Variants in UCHL3 observed in about 807,000 individuals in gnomAD.
UCHL3 encodes the protein ubiquitin carboxyl-terminal hydrolase isozyme L3.
UCHL3 carries 22 observed loss-of-function variants against 35.8 expected under a neutral mutation model. The observed-to-expected ratio is 0.61, with a 90% CI of 0.44 to 0.88. UCHL3 has a LOEUF of 0.88. Ranked by LOEUF, UCHL3 falls within the 40% of genes least tolerant of loss-of-function variation. The probability of loss-of-function intolerance (pLI) is 0.00; values close to 1 mark genes in which losing one functional copy is unlikely to be tolerated. For missense variants in UCHL3, 229 were observed against 276.9 expected, an observed-to-expected ratio of 0.83 and a Z score of 1.23; for synonymous variants, 90 against 92.8, an observed-to-expected ratio of 0.97 and a Z score of 0.17.
chr13:75,596,464 A>G (rs540672120), intron 7 of UCHL3, among the ~76,000 whole-genome samples: 2 of 152,102 alleles, frequency 1.3e-5, no homozygotes, highest in Non-Finnish European at 2.9e-5. Flanking sequence ...CAGATTTTCT[A>G]CTCTGAATTG....
At position 75,605,751 on chromosome 13, in the gene UCHL3, AGT is replaced by A; in HGVS notation, c.633_634del (p.Lys211AsnfsTer7). 6.2e-7 allele frequency: 1 copy of A among 1,613,980 alleles called. No individual in the cohort carries two copies. The highest frequency in any genetic ancestry group is 8.5e-7 in the Non-Finnish European group (1 of 1,179,954). ...TAGGATGCCATAGAAGTTTGCAAGA[AGT>A]TTATGGAGCGCGACCCTGATGAACT... On this transcript the variant is annotated frameshift_variant, in exon 9 of 9. Coordinates refer to ENST00000377595, the MANE Select transcript of UCHL3 (RefSeq NM_006002.5). LOFTEE classifies it high-confidence loss of function.
In UCHL3 at chr13:75,556,775, A is replaced by G. The variant is rs144234355; in HGVS notation, c.55-3978A>G. 1.6e-3 allele frequency among the ~76,000 whole-genome samples: 239 copies of G among 151,876 alleles called. 1 individual carries two copies. The highest frequency in any genetic ancestry group is 5.5e-3 in the African/African-American group (228 of 41,584). On this transcript the variant is annotated intron_variant, in intron 2 of 8. Transcript: ENST00000377595. Reference sequence around the variant, plus strand: ...GAGTTCATTGTGGCCAAGTTAGAGAATAAAGTACCAAAAAGATACTCTGGG... The same window carrying G: ...GAGTTCATTGTGGCCAAGTTAGAGAGTAAAGTACCAAAAAGATACTCTGGG...
At chr13:75,570,870 C>A (rs1234525676) in intron 6 of UCHL3, among the ~76,000 whole-genome samples, 1 of 152,094 alleles carries the variant, frequency 6.6e-6, no homozygotes, top group Non-Finnish European at 1.5e-5. Context: ...TATGATTGCA[C>A]CATTACACTC....
Position 75,560,732 on chromosome 13 carries a change from TTTC to T in UCHL3, c.55-18_55-16del, listed in dbSNP as rs1278661352. 5.1e-6 allele frequency: 8 copies of T among 1,579,814 alleles called. No individual in the cohort carries two copies. Among genetic ancestry groups the T allele is most frequent in the East Asian group, 2.2e-5 (1 of 44,572 alleles). On this transcript the variant is annotated intron_variant, in intron 2 of 8. Coordinates refer to ENST00000377595, the MANE Select transcript of UCHL3 (RefSeq NM_006002.5). ...CCAACTAATGTTCCATTGTTTTTTTTTTCTTTCTTTCTTTTACCAGTTTCTTAA... is the reference window on the plus strand; with the variant it reads ...CCAACTAATGTTCCATTGTTTTTTTTTTTCTTTCTTTTACCAGTTTCTTAA...
At chr13:75,602,702 G>A (rs933426089) in intron 7 of UCHL3, among the ~76,000 whole-genome samples, 1 of 152,154 alleles carries the variant, frequency 6.6e-6, no homozygotes, top group Non-Finnish European at 1.5e-5. Flanking sequence ...GGTTTTGTGG[G>A]CTACATACTG....
In UCHL3 at chr13:75,590,332, C is replaced by G. The variant is rs1449746427; in HGVS notation, c.475-4583C>G. 4.0e-6 allele frequency: 3 copies of G among 741,600 alleles called. No individual in the cohort carries two copies. In the African/African-American group the frequency reaches 5.8e-5, roughly 14 times the overall value. 45.9% of individuals were successfully genotyped at this position (741,600 alleles called of 1,614,324 possible). ...CCAGTGCCTCAGAACATCCATCTTT[C>G]CACTCCATATCCTGCCAACATAACG... On this transcript the variant is annotated intron_variant, in intron 6 of 8. Transcript: ENST00000377595.
chr13:75,559,645 T>C (rs1246952054), intron 2 of UCHL3, among the ~76,000 whole-genome samples: 1 of 152,188 alleles, frequency 6.6e-6, no homozygotes. Flanking sequence ...AAGACCTCAT[T>C]TGATGATCTA....
In UCHL3 at chr13:75,549,924, C is replaced by G; in HGVS notation, c.43-52C>G. 3 of 1,614,158 alleles carry G rather than the reference C, an allele frequency of 1.9e-6. No individual in the cohort carries two copies. In the South Asian group the frequency reaches 3.3e-5, roughly 18 times the overall value. The stretch of plus-strand genomic sequence containing the variant: ...GGTGCAGAGGGAGCCGGCTTGCTGC[C>G]GCGAGTCCACGGTGGTTTGTCTCTA... On this transcript the variant is annotated intron_variant, in intron 1 of 8. Transcript: ENST00000377595.
chr13:75,560,452 A>G lies in UCHL3; in HGVS notation c.55-301A>G, dbSNP rs140451739. 1.6e-4 allele frequency among the ~76,000 whole-genome samples: 24 copies of G among 152,292 alleles called. No homozygotes were observed. In the East Asian group the frequency reaches 4.6e-3, roughly 29 times the overall value. ...TGTTATGTGCTATAAATAAATTGCT[A>G]TCTCTTCTCACCCTATTCATAGAAA... On this transcript the variant is annotated intron_variant, in intron 2 of 8. Transcript: ENST00000377595.
chr13:75,566,888 A>G, intron 4 of UCHL3, 37 bp downstream of exon 4: 1 of 1,564,102 alleles, frequency 6.4e-7, no homozygotes, highest in Non-Finnish European at 8.6e-7. Flanking sequence ...TTTCCCCCTT[A>G]AGATACAAGT....
At chr13:75,572,675 G>A (rs2031898506) in intron 6 of UCHL3, among the ~76,000 whole-genome samples, 1 of 152,326 alleles carries the variant, frequency 6.6e-6, no homozygotes, top group South Asian at 2.1e-4. Context: ...AAAAAAAGTA[G>A]GGGGTTAGGG....
At chr13:75,558,561 C>G (rs1415271009) in intron 2 of UCHL3, among the ~76,000 whole-genome samples, 1 of 152,146 alleles carries the variant, frequency 6.6e-6, no homozygotes, top group Non-Finnish European at 1.5e-5. Flanking sequence ...GTTCATGATA[C>G]TTTTCCTTAA....
At chr13:75,573,169 C>T (rs34241221) in intron 6 of UCHL3, among the ~76,000 whole-genome samples, 16,132 of 150,328 alleles carry the variant, frequency 0.11, 1,164 homozygotes, top group Non-Finnish European at 0.16. Flanking sequence ...GAGGCTGAGG[C>T]GGGAGAATCG....
chr13:75,552,860 A>C (rs1205509897), intron 2 of UCHL3, among the ~76,000 whole-genome samples: 1 of 152,158 alleles, frequency 6.6e-6, no homozygotes, highest in East Asian at 1.9e-4. Context: ...TTGTGATTTG[A>C]GTACAGTACA....
At chr13:75,593,709 G>A (rs541060452) in intron 6 of UCHL3, among the ~76,000 whole-genome samples, 15 of 152,252 alleles carry the variant, frequency 9.9e-5, no homozygotes, top group South Asian at 4.1e-4. Flanking sequence ...AATTTCTTCC[G>A]TTCATAATTT....
intron 6 of UCHL3, among the ~76,000 whole-genome samples, chr13:75,570,144 A>C (rs555302310): frequency 6.6e-6 from 1 of 152,268 alleles, no homozygotes; most frequent in South Asian, 2.1e-4. Context: ...AATTTAACTA[A>C]AGCTGTTTGG....
chr13:75,561,806 TACATAC>T (rs1430477024), intron 3 of UCHL3, among the ~76,000 whole-genome samples: 5 of 32,226 alleles, frequency 1.6e-4, no homozygotes, highest in Admixed American at 8.8e-4. Context: ...TGTATACGTA[TACATAC>T]GTATACGTAT....
At chr13:75,565,318 C>T (rs2031649227) in intron 3 of UCHL3, among the ~76,000 whole-genome samples, 1 of 152,100 alleles carries the variant, frequency 6.6e-6, no homozygotes, top group Non-Finnish European at 1.5e-5. Flanking sequence ...TTTTATCAAT[C>T]GAACTTACAT....
Position 75,549,882 on chromosome 13 carries a change from G to T in UCHL3, c.42+20G>T. The T allele has an allele frequency of 6.2e-7, 1 of 1,613,548 alleles. No homozygotes were observed. Among genetic ancestry groups the T allele is most frequent in the Non-Finnish European group, 8.5e-7 (1 of 1,179,874 alleles). On this transcript the variant is annotated intron_variant, in intron 1 of 8. Coordinates refer to ENST00000377595, the MANE Select transcript of UCHL3 (RefSeq NM_006002.5). Reference sequence around the variant, plus strand: ...CCCGAGGTGGGCGCGCTTCGGGGCAGCCCTGGGCCGTGGGCAGGTGCAGAG... The same window carrying T: ...CCCGAGGTGGGCGCGCTTCGGGGCATCCCTGGGCCGTGGGCAGGTGCAGAG...
Sources: allele counts gnomAD v4.1 joint callset (sites outside exome capture counted in the v4.1 genomes callset), GRCh38; gene constraint gnomAD v4.1.1; transcripts MANE v1.5; gene names NCBI Gene and HGNC (gene_info 2026-07-23, HGNC 2026-07-21).